The following PSEN1 variants were observed in gnomAD, a reference collection of about 807,000 sequenced individuals.
The protein encoded by PSEN1 is presenilin-1.
Under a neutral mutation model 53.5 loss-of-function variants are expected in PSEN1, and 15 were observed. That is an observed-to-expected ratio of 0.28 (90% CI 0.19 to 0.43). The LOEUF (loss-of-function observed/expected upper bound fraction) is 0.43, where lower values mean the gene tolerates loss of function less well. Ranked by LOEUF, PSEN1 falls within the 20% of genes least tolerant of loss-of-function variation. PSEN1 has a pLI of 1.00. For synonymous variants in PSEN1, 208 were observed against 209.8 expected (o/e 0.99, Z 0.08); for missense variants, 387 against 571.2 (o/e 0.68, Z 3.29).
intron 1 of PSEN1, chr14:73,136,936 G>T: frequency 6.4e-6 from 1 of 155,422 alleles, no homozygotes; most frequent in African/African-American, 2.4e-5. Context: ...GTCTGCTTGA[G>T]CAACTGGTGA....
chr14:73,145,619 C>T (rs900024684), intron 1 of PSEN1, among the ~76,000 whole-genome samples: 1 of 152,168 alleles, frequency 6.6e-6, no homozygotes, highest in Non-Finnish European at 1.5e-5. Flanking sequence ...GGATTACAGG[C>T]ATGAGCCACC....
intron 1 of PSEN1, among the ~76,000 whole-genome samples, chr14:73,141,037 C>G (rs1357700407): frequency 6.6e-6 from 1 of 152,184 alleles, no homozygotes; most frequent in Non-Finnish European, 1.5e-5. Context: ...TACAAGAAGT[C>G]AAGGCCAACT....
chr14:73,154,153 G>C (rs1007696469), intron 3 of PSEN1, among the ~76,000 whole-genome samples: 1 of 152,060 alleles, frequency 6.6e-6, no homozygotes, highest in Non-Finnish European at 1.5e-5. Context: ...AAATATTAAG[G>C]GAAAAGGGCA....
At chr14:73,205,272 C>T (rs61986899) in intron 8 of PSEN1, among the ~76,000 whole-genome samples, 8,542 of 151,742 alleles carry the variant, frequency 0.056, 328 homozygotes, top group Non-Finnish European at 0.089. Flanking sequence ...GTCAGGAGAT[C>T]GAGACCATCC....
chr14:73,198,957 G>C (rs1052974747), intron 8 of PSEN1, among the ~76,000 whole-genome samples: 1 of 152,082 alleles, frequency 6.6e-6, no homozygotes, highest in Non-Finnish European at 1.5e-5. Context: ...TGTGTTGTGT[G>C]TAGAGACTGG....
At chr14:73,206,237 C>G in intron 8 of PSEN1, 149 bp from the exon 9 acceptor site, 1 of 688,782 alleles carries the variant, frequency 1.5e-6, no homozygotes, top group Non-Finnish European at 2.7e-6. Context: ...CCAAAGAGAA[C>G]CTTTTTTTTA....
intron 3 of PSEN1, among the ~76,000 whole-genome samples, chr14:73,166,923 C>T (rs1212033280): frequency 2.0e-5 from 3 of 152,158 alleles, no homozygotes; most frequent in Non-Finnish European, 2.9e-5. Flanking sequence ...ACGCCAGCCT[C>T]GGTCTTTTTT....
At chr14:73,140,590 A>G (rs926114509) in intron 1 of PSEN1, among the ~76,000 whole-genome samples, 1 of 152,046 alleles carries the variant, frequency 6.6e-6, no homozygotes, top group East Asian at 1.9e-4. Flanking sequence ...ATTTAAAACT[A>G]TTCATTTGTT....
rs200048785 is a variant in PSEN1 at position 73,140,332 on chromosome 14, TC to T, written c.-136+3752del. On this transcript the variant is annotated intron_variant, in intron 1 of 11. Transcript: ENST00000324501. ...TTCAAGTGATTCTTCTGCCTCAGCC[TC>T]CCGAGTAGCTGGGACTACAGGCGTG... Among the ~76,000 whole-genome samples, 1,314 of 146,420 alleles carry T rather than the reference TC, an allele frequency of 9.0e-3. 16 individuals carry two copies. Among genetic ancestry groups the T allele is most frequent in the African/African-American group, 0.032 (1,261 of 39,920 alleles).
In PSEN1 at chr14:73,184,726, G is replaced by A. The variant is rs1216519694; in HGVS notation, c.481-2127G>A. ...CCCCACCTCCCTCCCGGATGGGGCG[G>A]CTGGCCTGGCGGGGGGCTGACCCCC... On this transcript the variant is annotated intron_variant, in intron 5 of 11. Transcript: ENST00000324501. 8.7e-5 allele frequency among the ~76,000 whole-genome samples: 13 copies of A among 149,412 alleles called. No individual in the cohort carries two copies. In the East Asian group the frequency reaches 2.0e-3, roughly 23 times the overall value.
chr14:73,218,581 T>C (rs1212774848), intron 11 of PSEN1, among the ~76,000 whole-genome samples: 1 of 152,212 alleles, frequency 6.6e-6, no homozygotes, highest in Non-Finnish European at 1.5e-5. Context: ...GTTTATTTTA[T>C]TTTTTAAACA....
chr14:73,184,486 C>G, intron 5 of PSEN1, among the ~76,000 whole-genome samples: 1 of 116,164 alleles, frequency 8.6e-6, no homozygotes, highest in South Asian at 3.1e-4. Context: ...CGCCCCTCAC[C>G]TCCCGGACGG....
intron 7 of PSEN1, 196 bp from the exon 8 acceptor site, chr14:73,197,834 AT>A: frequency 5.2e-6 from 3 of 580,962 alleles, no homozygotes; most frequent in Non-Finnish European, 9.2e-6. Context: ...GTTCTGTGTC[AT>A]TTTATTTTGT....
intron 4 of PSEN1, among the ~76,000 whole-genome samples, chr14:73,173,128 A>G (rs1897939414): frequency 2.6e-5 from 4 of 152,062 alleles, no homozygotes; most frequent in Admixed American, 1.3e-4. Context: ...TCTTAAGACA[A>G]CTCCAGTTGC....
chr14:73,174,652 A>G (rs1053520490), intron 5 of PSEN1, among the ~76,000 whole-genome samples: 5 of 152,238 alleles, frequency 3.3e-5, no homozygotes, highest in Non-Finnish European at 4.4e-5. Flanking sequence ...AAAATACGGT[A>G]TAACTAAAAT....
intron 8 of PSEN1, among the ~76,000 whole-genome samples, chr14:73,202,433 TATATATATATATATATATATATA>T (rs1566648124): frequency 3.9e-4 from 5 of 12,704 alleles, no homozygotes; most frequent in South Asian, 5.2e-3. Context: ...TATATATATA[TATATATATATATATATATATATA>T]TATATATTTT....
At chr14:73,150,609 T>C (rs1169289506) in intron 3 of PSEN1, among the ~76,000 whole-genome samples, 1 of 145,410 alleles carries the variant, frequency 6.9e-6, no homozygotes, top group African/African-American at 2.6e-5. Context: ...TAAAAAAAAA[T>C]GCAAAATTTA....
chr14:73,148,899 C>T (rs935965547), intron 3 of PSEN1, among the ~76,000 whole-genome samples: 1 of 151,966 alleles, frequency 6.6e-6, no homozygotes, highest in Non-Finnish European at 1.5e-5. Flanking sequence ...CGCCATTGCA[C>T]TCCAGCCTGG....
rs769268606 is a variant in PSEN1, at chr14:73,221,706, T to A, written c.*2417T>A. 2 of 152,166 alleles carry A rather than the reference T, an allele frequency of 1.3e-5. No individual in the cohort carries two copies. Among genetic ancestry groups the A allele is most frequent in the African/African-American group, 2.4e-5 (1 of 41,450 alleles). 9.4% of individuals were successfully genotyped at this position (152,166 alleles called of 1,614,324 possible). ...CTGAGACTACAGCCCATCTTATTTC[T>A]TTAAATCATTCATCTCAGGCAGAGA... is the stretch of plus-strand genomic sequence containing the variant. On this transcript the variant is annotated 3_prime_UTR_variant, in exon 12 of 12. Transcript: ENST00000324501.
Sources: gnomAD v4.1 joint callset for allele counts (sites outside exome capture counted in the v4.1 genomes callset) on GRCh38, gnomAD v4.1.1 for gene constraint, MANE v1.5 for transcripts, NCBI Gene and HGNC (gene_info 2026-07-23, HGNC 2026-07-21) for gene names.